The following RSBN1L variants were observed in gnomAD, a reference collection of about 807,000 sequenced individuals.
The protein encoded by RSBN1L is lysine-specific demethylase RSBN1L.
Under a neutral mutation model 67.7 loss-of-function variants are expected in RSBN1L, and 30 were observed. That is an observed-to-expected ratio of 0.44 (90% confidence interval 0.33 to 0.60). The LOEUF (loss-of-function observed/expected upper bound fraction) is 0.60, where lower values mean the gene tolerates loss of function less well. Among genes scored for constraint, RSBN1L ranks in the 20% least tolerant of loss-of-function variants. The pLI, the probability that RSBN1L is intolerant of heterozygous loss-of-function variation, is 0.02. For missense variants in RSBN1L, 992 were observed against 1,031.7 expected (o/e 0.96, Z 0.53); for synonymous variants, 433 against 387.0 (o/e 1.12, Z -1.39).
chr7:77,696,529 C>G lies in RSBN1L; in HGVS notation c.60C>G (p.Val20=). The G allele has an allele frequency of 6.2e-7, 1 of 1,613,976 alleles. No homozygotes were observed. Among genetic ancestry groups the G allele is most frequent in the Non-Finnish European group, 8.5e-7 (1 of 1,179,982 alleles). The change falls in exon 1 of 8, where the codon GTC becomes GTG. Residue 20 remains valine (V), a synonymous_variant. Coordinates refer to ENST00000334955, the MANE Select transcript of RSBN1L (RefSeq NM_198467.3). ...CVAAAAPTAT[V]SEKEPFGKLQ... ...CTGCCGCGGCCCCCACCGCCACCGT[C>G]TCGGAGAAAGAACCGTTTGGCAAGC...
At chr7:77,709,178 G>A (rs1462204298) in intron 1 of RSBN1L, among the ~76,000 whole-genome samples, 74 of 131,028 alleles carry the variant, frequency 5.6e-4, no homozygotes, top group African/African-American at 1.9e-3. Flanking sequence ...GTGTGTGTGT[G>A]TGTGTGTGTG....
intron 5 of RSBN1L, among the ~76,000 whole-genome samples, chr7:77,769,319 A>G (rs978120003): frequency 3.3e-5 from 5 of 152,240 alleles, no homozygotes; most frequent in Admixed American, 1.3e-4. Context: ...AAAAATTACT[A>G]TAAAGTTCAA....
chr7:77,741,402 T>C (rs983763529), intron 2 of RSBN1L, among the ~76,000 whole-genome samples: 31 of 152,030 alleles, frequency 2.0e-4, no homozygotes, highest in Admixed American at 2.0e-3. Context: ...TACAGAATTA[T>C]AGATTTAGGC....
intron 1 of RSBN1L, among the ~76,000 whole-genome samples, chr7:77,705,036 C>T (rs1371708509): frequency 6.6e-6 from 1 of 151,590 alleles, no homozygotes; most frequent in African/African-American, 2.4e-5. Context: ...TGAGATTCTT[C>T]CTCTACCCCA....
chr7:77,734,785 G>C (rs915496182), intron 1 of RSBN1L, among the ~76,000 whole-genome samples: 3 of 152,008 alleles, frequency 2.0e-5, no homozygotes, highest in South Asian at 2.1e-4. Flanking sequence ...CACCGCGCCC[G>C]GCCTGGAGTA....
At chr7:77,769,125 C>G (rs1263066113) in intron 5 of RSBN1L, among the ~76,000 whole-genome samples, 1 of 152,086 alleles carries the variant, frequency 6.6e-6, no homozygotes, top group Non-Finnish European at 1.5e-5. Flanking sequence ...AAAGTAAGAT[C>G]AGAACAAATG....
At position 77,697,039 on chromosome 7, in the gene RSBN1L, G is replaced by T; in HGVS notation, c.570G>T (p.Val190=). ...GGASREENGE[V]KPLPRDKIKD... is the part of the protein sequence containing the mutation. ...CCTCCCGGGAGGAGAACGGGGAGGT[G>T]AAGCCGCTGCCCCGAGGTGGGTGCC... The change falls in exon 1 of 8, where the codon GTG becomes GTT. Residue 190 remains valine (V), a synonymous_variant. Coordinates refer to ENST00000334955, the MANE Select transcript of RSBN1L (RefSeq NM_198467.3). 2 of 1,503,662 alleles carry T rather than the reference G, an allele frequency of 1.3e-6. No individual in the cohort carries two copies. Among genetic ancestry groups the T allele is most frequent in the Non-Finnish European group, 1.8e-6 (2 of 1,129,554 alleles). 93.1% of individuals were successfully genotyped at this position (1,503,662 alleles called of 1,614,324 possible).
chr7:77,696,646 A>C lies in RSBN1L; in HGVS notation c.177A>C (p.Glu59Asp), dbSNP rs1790730676. 1.9e-6 allele frequency: 3 copies of C among 1,613,762 alleles called. No individual in the cohort carries two copies. The change falls in exon 1 of 8, where the codon GAA becomes GAC. Residue 59 changes from glutamate to aspartate, a missense_variant. Glu to Asp is a conservative substitution (Grantham distance 45). Coordinates refer to ENST00000334955, the MANE Select transcript of RSBN1L (RefSeq NM_198467.3). Reference protein sequence around the residue: ...EKKAPRRVNGEGGSGGNSRQL... With the variant: ...EKKAPRRVNGDGGSGGNSRQL... ...AGGCACCGCGGAGAGTGAACGGAGA[A>C]GGGGGCAGCGGCGGGAACAGCAGGC...
chr7:77,724,042 T>G (rs1476803157), intron 1 of RSBN1L, among the ~76,000 whole-genome samples: 1 of 152,190 alleles, frequency 6.6e-6, no homozygotes, highest in Non-Finnish European at 1.5e-5. Flanking sequence ...CCTCCCAAAG[T>G]GCTAGGATTA....
intron 1 of RSBN1L, among the ~76,000 whole-genome samples, chr7:77,706,301 C>G (rs1790891645): frequency 6.6e-6 from 1 of 152,124 alleles, no homozygotes; most frequent in Non-Finnish European, 1.5e-5. Context: ...TGGTTTCGAG[C>G]TCCTGACCTC....
chr7:77,756,678 T>C (rs925726395), intron 3 of RSBN1L, among the ~76,000 whole-genome samples: 2 of 152,044 alleles, frequency 1.3e-5, no homozygotes, highest in Non-Finnish European at 2.9e-5. Context: ...CTCGGGAGGC[T>C]GAGGCAGGAG....
intron 5 of RSBN1L, among the ~76,000 whole-genome samples, chr7:77,770,852 C>T (rs1791839063): frequency 6.6e-6 from 1 of 152,120 alleles, no homozygotes; most frequent in South Asian, 2.1e-4. Flanking sequence ...TATGTGAGCA[C>T]AGAGAAAAGT....
chr7:77,759,725 G>A (rs552030985), intron 3 of RSBN1L: 4 of 152,200 alleles, frequency 2.6e-5, no homozygotes, highest in African/African-American at 9.6e-5. Flanking sequence ...TATTTATGGT[G>A]GATCACTATG....
At chr7:77,741,821 T>C (rs1791414678) in intron 2 of RSBN1L, among the ~76,000 whole-genome samples, 1 of 152,106 alleles carries the variant, frequency 6.6e-6, no homozygotes, top group African/African-American at 2.4e-5. Context: ...TGCATACATA[T>C]CTACTGCATT....
intron 1 of RSBN1L, among the ~76,000 whole-genome samples, chr7:77,716,624 CTTTTTTT>C (rs61611975): frequency 4.0e-5 from 3 of 75,290 alleles, no homozygotes; most frequent in African/African-American, 1.5e-4. Flanking sequence ...GTATCTTCAT[CTTTTTTT>C]TTTTTTTTTT....
At chr7:77,716,422 C>T (rs1333162169) in intron 1 of RSBN1L, among the ~76,000 whole-genome samples, 1 of 147,904 alleles carries the variant, frequency 6.8e-6, no homozygotes, top group Non-Finnish European at 1.5e-5. Context: ...AACTCTTGGG[C>T]TCAGATGATC....
Position 77,749,456 on chromosome 7 carries a change from G to A in RSBN1L, c.736G>A (p.Asp246Asn). 1 of 1,574,150 alleles carries A rather than the reference G, an allele frequency of 6.4e-7. No homozygotes were observed. Reference sequence around the variant, plus strand: ...GGAGAAACCAAAAACAAATATAGAAGACTTACAAATTAAAAAGGTAAAGAA... The same window carrying A: ...GGAGAAACCAAAAACAAATATAGAAAACTTACAAATTAAAAAGGTAAAGAA... ...GKEKPKTNIE[D>N]LQIKKVKKKK... The change falls in exon 3 of 8, where the codon GAC becomes AAC. Residue 246 changes from aspartate to asparagine, a missense_variant. This residue lies in a region of RSBN1L where 575 missense variants were observed against 483.2 expected (regional missense o/e 1.19). Coordinates refer to ENST00000334955, the MANE Select transcript of RSBN1L (RefSeq NM_198467.3).
At chr7:77,701,900 G>A (rs752064804) in intron 1 of RSBN1L, among the ~76,000 whole-genome samples, 1 of 152,116 alleles carries the variant, frequency 6.6e-6, no homozygotes, top group Non-Finnish European at 1.5e-5. Context: ...TGGTCTGTCT[G>A]CCTTGGCCTC....
intron 3 of RSBN1L, among the ~76,000 whole-genome samples, chr7:77,750,722 G>C (rs1220328590): frequency 6.6e-6 from 1 of 152,126 alleles, no homozygotes; most frequent in Non-Finnish European, 1.5e-5. Context: ...GTTTAGTCTG[G>C]AGATTGGCCA....
Sources: gnomAD v4.1 joint callset for allele counts (sites outside exome capture counted in the v4.1 genomes callset) on GRCh38, gnomAD v4.1.1 for gene constraint, gnomAD v4.1.1 regional missense constraint, MANE v1.5 for transcripts, NCBI Gene and HGNC (gene_info 2026-07-23, HGNC 2026-07-21) for gene names.